Variants in MYOF observed in about 807,000 individuals in gnomAD.
MYOF encodes the protein fer-1-like 3, myoferlin.
A neutral mutation model predicts 284.2 loss-of-function variants in MYOF; 244 were observed. That is an observed-to-expected ratio of 0.86 (90% CI 0.77 to 0.95). The LOEUF is 0.95. Among genes scored for constraint, MYOF ranks in the 40% least tolerant of loss-of-function variants. The pLI, the probability that MYOF is intolerant of heterozygous loss-of-function variation, is 0.00. For missense variants in MYOF, 2,496 were observed against 2,560.6 expected (o/e 0.97, Z 0.54); for synonymous variants, 904 against 919.7 (o/e 0.98, Z 0.31).
intron 2 of MYOF, among the ~76,000 whole-genome samples, chr10:93,456,023 G>A (rs1337000580): frequency 1.3e-5 from 2 of 152,166 alleles, no homozygotes; most frequent in African/African-American, 2.4e-5. Context: ...ATATAAGGTC[G>A]ACAGTGGGGG....
intron 22 of MYOF, among the ~76,000 whole-genome samples, chr10:93,376,738 C>T (rs1011730949): frequency 6.6e-6 from 1 of 152,150 alleles, no homozygotes; most frequent in East Asian, 1.9e-4. Context: ...CCTTTGATTT[C>T]CATATGCTAA....
intron 32 of MYOF, among the ~76,000 whole-genome samples, 190 bp downstream of exon 32, chr10:93,353,621 G>A (rs549801983): frequency 6.6e-6 from 1 of 152,112 alleles, no homozygotes; most frequent in Admixed American, 6.5e-5. Flanking sequence ...CTAGGACCCA[G>A]CAATGGTGCC....
At chr10:93,373,236 C>T (rs1337660583) in intron 23 of MYOF, 151 bp from the exon 24 acceptor site, 20 of 890,516 alleles carry the variant, frequency 2.2e-5, no homozygotes, top group Non-Finnish European at 3.1e-5. Flanking sequence ...GAGCTCCCAT[C>T]TTCTAGGACC....
chr10:93,342,902 C>T (rs11187389), intron 38 of MYOF, among the ~76,000 whole-genome samples: 36,256 of 152,086 alleles, frequency 0.24, 6,118 homozygotes, highest in East Asian at 0.89. Context: ...AGTTTTGGCC[C>T]ATGAGATTGG....
At chr10:93,360,669 AACTT>A (rs1210086526) in intron 28 of MYOF, among the ~76,000 whole-genome samples, 16 of 152,242 alleles carry the variant, frequency 1.1e-4, no homozygotes, top group Non-Finnish European at 4.4e-5. Context: ...TTGTTCACTT[AACTT>A]TAATTATGGT....
intron 35 of MYOF, among the ~76,000 whole-genome samples, chr10:93,350,560 G>T (rs112718389): frequency 0.049 from 7,458 of 152,226 alleles, 271 homozygotes; most frequent in Middle Eastern, 0.082. Flanking sequence ...TGATCCACCT[G>T]CCTTGGCCTC....
At chr10:93,476,144 T>C (rs2057255482) in intron 1 of MYOF, among the ~76,000 whole-genome samples, 3 of 151,998 alleles carry the variant, frequency 2.0e-5, no homozygotes, top group African/African-American at 7.2e-5. Flanking sequence ...CCTATGGTGC[T>C]CACTGGGTGA....
At chr10:93,448,073 C>T (rs1253703799) in intron 3 of MYOF, among the ~76,000 whole-genome samples, 1 of 152,130 alleles carries the variant, frequency 6.6e-6, no homozygotes, top group Non-Finnish European at 1.5e-5. Flanking sequence ...ACCTCACCTC[C>T]TTCCTGCACT....
At chr10:93,373,967 C>T (rs1376414902) in intron 23 of MYOF, among the ~76,000 whole-genome samples, 1 of 152,164 alleles carries the variant, frequency 6.6e-6, no homozygotes, top group Non-Finnish European at 1.5e-5. Flanking sequence ...CCCATCAACT[C>T]ATCATTTACG....
chr10:93,422,405 C>T (rs1478427351), intron 5 of MYOF, among the ~76,000 whole-genome samples: 1 of 152,208 alleles, frequency 6.6e-6, no homozygotes, highest in African/African-American at 2.4e-5. Flanking sequence ...GTCTACTGTC[C>T]TGCTGGGAGC....
chr10:93,430,020 G>A (rs576242013), intron 4 of MYOF, among the ~76,000 whole-genome samples: 5 of 150,628 alleles, frequency 3.3e-5, no homozygotes, highest in African/African-American at 7.3e-5. Context: ...CTGCAACCTC[G>A]GCCTCCTGGA....
Position 93,405,431 on chromosome 10 carries a change from T to C in MYOF, c.730-1212A>G, listed in dbSNP as rs574155821. On this transcript the variant is annotated intron_variant, in intron 7 of 53. Coordinates refer to ENST00000359263, the MANE Select transcript of MYOF (RefSeq NM_013451.4). Reference sequence around the variant, plus strand: ...AAAAATATAGAACAGTGCTATTTCCTTTTTTGTTTCTTGTGTTTTTTCTTG... The same window carrying C: ...AAAAATATAGAACAGTGCTATTTCCCTTTTTGTTTCTTGTGTTTTTTCTTG... Among the ~76,000 whole-genome samples the C allele has an allele frequency of 1.5e-3, 226 of 152,354 alleles. 4 individuals carry two copies. The highest frequency in any genetic ancestry group is 8.8e-3 in the Admixed American group (134 of 15,308).
intron 23 of MYOF, 77 bp from the exon 24 acceptor site, chr10:93,373,162 G>T: frequency 1.3e-6 from 2 of 1,542,976 alleles, no homozygotes; most frequent in Non-Finnish European, 1.8e-6. Flanking sequence ...GACCCTGCAG[G>T]CTGGACCCTC....
intron 24 of MYOF, among the ~76,000 whole-genome samples, chr10:93,370,901 A>C (rs368841229): frequency 6.6e-6 from 1 of 152,080 alleles, no homozygotes. Context: ...TGAACCTCTC[A>C]CTCCAAGGAA....
At position 93,329,771 on chromosome 10, in the gene MYOF, A is replaced by T; in HGVS notation, c.4875T>A (p.Tyr1625Ter). The change falls in exon 44 of 54, where the codon TAT becomes TAA. Residue 1625 changes from tyrosine to a stop codon, truncating the protein, a stop_gained. Coordinates refer to ENST00000359263, the MANE Select transcript of MYOF (RefSeq NM_013451.4). LOFTEE classifies it high-confidence loss of function. ...CTTTTTCATCCCGGGTAAAGGTGTC[A>T]TAATCATAGACAGAAATTTTCAGGT... ...EKDLKISVYD[Y>*]DTFTRDEKVG... 2 of 1,614,256 alleles carry T rather than the reference A, an allele frequency of 1.2e-6. No individual in the cohort carries two copies. Among genetic ancestry groups the T allele is most frequent in the Non-Finnish European group, 1.7e-6 (2 of 1,180,040 alleles).
At chr10:93,351,340 G>A (rs1386817926) in intron 34 of MYOF, 45 bp from the exon 35 acceptor site, 1 of 1,608,566 alleles carries the variant, frequency 6.2e-7, no homozygotes, top group African/African-American at 1.3e-5. Context: ...TTTAGTTCAA[G>A]CAAACAGTGC....
intron 21 of MYOF, among the ~76,000 whole-genome samples, chr10:93,378,418 G>T (rs976734548): frequency 2.0e-5 from 3 of 151,954 alleles, no homozygotes; most frequent in Non-Finnish European, 2.9e-5. Flanking sequence ...TTTATTTTCA[G>T]GACAGTTATG....
chr10:93,406,317 T>TATATATATATATATATATA (rs1554855587), intron 7 of MYOF, among the ~76,000 whole-genome samples: 57 of 120,322 alleles, frequency 4.7e-4, no homozygotes, highest in Middle Eastern at 4.5e-3. Context: ...TATATATATA[T>TATATATATATATATATATA]TTGTTTTTAT....
intron 5 of MYOF, among the ~76,000 whole-genome samples, chr10:93,413,036 T>C (rs559537473): frequency 6.6e-4 from 100 of 152,266 alleles, no homozygotes; most frequent in African/African-American, 2.4e-3. Context: ...GCCATAATTA[T>C]AGCATTTTAG....
Sources: gnomAD v4.1 joint callset for allele counts (sites outside exome capture counted in the v4.1 genomes callset) on GRCh38, gnomAD v4.1.1 for gene constraint, MANE v1.5 for transcripts, NCBI Gene and HGNC (gene_info 2026-07-23, HGNC 2026-07-21) for gene names.